Variants in C1QTNF3 observed in about 807,000 individuals in gnomAD.
The protein encoded by C1QTNF3 is C1q and TNF related 3, also known as complement C1q tumor necrosis factor-related protein 3.
C1QTNF3 carries 26 observed loss-of-function variants against 32.6 expected under a neutral mutation model. The observed-to-expected ratio is 0.80, with a 90% confidence interval of 0.58 to 1.11. C1QTNF3 has a LOEUF of 1.11. C1QTNF3 is among the 50% of genes least tolerant of loss of function. The probability of loss-of-function intolerance (pLI) is 0.00; values close to 1 mark genes in which losing one functional copy is unlikely to be tolerated. For missense variants in C1QTNF3, 362 were observed against 398.2 expected (o/e 0.91, Z 0.77); for synonymous variants, 155 against 146.0 (o/e 1.06, Z -0.44).
intron 1 of C1QTNF3, among the ~76,000 whole-genome samples, chr5:34,041,456 A>C (rs2112124556): frequency 6.6e-6 from 1 of 152,336 alleles, no homozygotes; most frequent in Non-Finnish European, 1.5e-5. Context: ...GCCAGGAAAG[A>C]TACCATCTGT....
the C1QTNF3 span, among the ~76,000 whole-genome samples, chr5:34,157,314 TTAAA>T: frequency 1.3e-5 from 2 of 152,178 alleles, no homozygotes; most frequent in African/African-American, 4.8e-5. Context: ...CTAATCATGA[TTAAA>T]TAATCAAGTT....
the C1QTNF3 span, among the ~76,000 whole-genome samples, chr5:34,197,896 C>T: frequency 6.6e-6 from 1 of 152,016 alleles, no homozygotes; most frequent in African/African-American, 2.4e-5. Flanking sequence ...CTCTAGCTCA[C>T]ATGGCAGAAG....
the C1QTNF3 span, among the ~76,000 whole-genome samples, chr5:34,081,218 TTA>T: frequency 2.0e-5 from 3 of 151,694 alleles, no homozygotes; most frequent in African/African-American, 4.9e-5. Context: ...TATTATCCTT[TTA>T]TGACTATAAA....
the C1QTNF3 span, among the ~76,000 whole-genome samples, chr5:34,082,053 AT>A: frequency 6.6e-6 from 1 of 151,748 alleles, no homozygotes; most frequent in African/African-American, 2.4e-5. Flanking sequence ...TTGACCTTTT[AT>A]AAGGGACACA....
At chr5:34,125,071 C>T in the C1QTNF3 span, among the ~76,000 whole-genome samples, 1 of 152,274 alleles carries the variant, frequency 6.6e-6, no homozygotes, top group East Asian at 1.9e-4. Flanking sequence ...CATGACAAAA[C>T]TTCTCTACCT....
At chr5:34,158,677 A>G in the C1QTNF3 span, 3 of 152,154 alleles carry the variant, frequency 2.0e-5, no homozygotes, top group African/African-American at 7.2e-5. Flanking sequence ...TCATATGTGG[A>G]AATTCATAGA....
At chr5:34,153,903 G>A in the C1QTNF3 span, among the ~76,000 whole-genome samples, 10 of 148,460 alleles carry the variant, frequency 6.7e-5, no homozygotes, top group South Asian at 2.2e-4. Flanking sequence ...AAACTAACTA[G>A]GTGAGATTAT....
the C1QTNF3 span, among the ~76,000 whole-genome samples, chr5:34,217,533 T>A: frequency 3.2e-4 from 49 of 151,932 alleles, no homozygotes; most frequent in African/African-American, 1.2e-3. Flanking sequence ...AGCAGCAGAG[T>A]GTAGAAAAAT....
At chr5:34,234,687 T>C in the C1QTNF3 span, among the ~76,000 whole-genome samples, 4 of 152,166 alleles carry the variant, frequency 2.6e-5, no homozygotes, top group Non-Finnish European at 5.9e-5. Flanking sequence ...AATACAAATA[T>C]TTATTCGATG....
chr5:34,074,299 A>G, the C1QTNF3 span, among the ~76,000 whole-genome samples: 1 of 151,792 alleles, frequency 6.6e-6, no homozygotes, highest in East Asian at 1.9e-4. Flanking sequence ...AAACAATTTG[A>G]GAAAGAATCA....
At chr5:34,048,111 A>G (rs1755015506), upstream of C1QTNF3, among the ~76,000 whole-genome samples, 1 of 152,228 alleles carries the variant, frequency 6.6e-6, no homozygotes, top group South Asian at 2.1e-4. Flanking sequence ...TACAAAAACT[A>G]TCATCTTAAT....
chr5:34,211,855 T>A, the C1QTNF3 span, among the ~76,000 whole-genome samples: 3 of 152,004 alleles, frequency 2.0e-5, no homozygotes, highest in East Asian at 5.8e-4. Flanking sequence ...TTAAATGCCA[T>A]CCCCATCAAG....
rs375110248 is a variant in C1QTNF3, at chr5:34,018,891, C to T, written c.*1692G>A. Among the ~76,000 whole-genome samples the T allele has an allele frequency of 7.4e-4, 113 of 152,266 alleles. 1 individual carries two copies. Among genetic ancestry groups the T allele is most frequent in the African/African-American group, 2.4e-3 (98 of 41,548 alleles). On this transcript the variant is annotated 3_prime_UTR_variant, in exon 6 of 6. Coordinates refer to ENST00000382065, the MANE Select transcript of C1QTNF3 (RefSeq NM_181435.6). ...CCTGTAATCCCAGCACTTTGGAAGA[C>T]CGAGGCAGGCAGATCACCTGAGGTC... is the stretch of plus-strand genomic sequence containing the variant.
At chr5:34,045,875 A>T (rs1205063126), upstream of C1QTNF3, among the ~76,000 whole-genome samples, 1 of 152,144 alleles carries the variant, frequency 6.6e-6, no homozygotes, top group Non-Finnish European at 1.5e-5. Context: ...GGGTTGGATT[A>T]TGTACCCCCA....
At chr5:34,021,978 G>A (rs1377929017) in intron 5 of C1QTNF3, among the ~76,000 whole-genome samples, 1 of 152,158 alleles carries the variant, frequency 6.6e-6, no homozygotes, top group African/African-American at 2.4e-5. Flanking sequence ...CACAGCTGTG[G>A]CACAATCTGA....
chr5:34,162,827 C>T, the C1QTNF3 span, among the ~76,000 whole-genome samples: 2 of 152,060 alleles, frequency 1.3e-5, no homozygotes, highest in Non-Finnish European at 2.9e-5. Context: ...CTCTCTTTCT[C>T]CCCTTAGTAT....
At chr5:34,244,218 G>C in the C1QTNF3 span, among the ~76,000 whole-genome samples, 5 of 152,128 alleles carry the variant, frequency 3.3e-5, no homozygotes, top group Non-Finnish European at 1.5e-5. Context: ...GGGACCTGTG[G>C]ATTATGTGCT....
chr5:34,111,230 CA>C, the C1QTNF3 span, among the ~76,000 whole-genome samples: 3 of 152,000 alleles, frequency 2.0e-5, 1 homozygote, highest in African/African-American at 7.2e-5. Context: ...ATCTTTTGAG[CA>C]GCAGGGTTAT....
the C1QTNF3 span, chr5:34,158,742 T>C: frequency 2.0e-5 from 3 of 152,180 alleles, no homozygotes; most frequent in Non-Finnish European, 2.9e-5. Context: ...ACCTTCTATA[T>C]AAATGATTCT....
Sources: allele counts gnomAD v4.1 joint callset (sites outside exome capture counted in the v4.1 genomes callset), GRCh38; gene constraint gnomAD v4.1.1; transcripts MANE v1.5; gene names NCBI Gene and HGNC (gene_info 2026-07-23, HGNC 2026-07-21).